The following TRERF1 variants were observed in gnomAD, a reference collection of about 807,000 sequenced individuals.
TRERF1 encodes the protein transcriptional regulating factor 1.
In TRERF1, 27 loss-of-function variants were observed where a neutral mutation model predicts 122.9. The ratio of observed to expected loss-of-function variants is 0.22; its 90% CI spans 0.16 to 0.30. The LOEUF (loss-of-function observed/expected upper bound fraction) is 0.30. TRERF1 is among the 10% of genes least tolerant of loss of function. TRERF1 has a pLI of 1.00. For missense variants in TRERF1, 1,248 were observed against 1,560.3 expected (o/e 0.80, Z 3.37); for synonymous variants, 636 against 641.7 (o/e 0.99, Z 0.13).
intron 2 of TRERF1, among the ~76,000 whole-genome samples, chr6:42,370,867 G>A (rs558754335): frequency 1.3e-5 from 2 of 152,274 alleles, no homozygotes; most frequent in East Asian, 1.9e-4. Flanking sequence ...CCCCTGAGGA[G>A]GATCCACTAT....
chr6:42,259,378 G>A lies in TRERF1; in HGVS notation c.2230C>T (p.Pro744Ser), dbSNP rs901077815. The stretch of plus-strand genomic sequence containing the variant: ...AGCACCCGTGGTGTGGGCGTCAGGG[G>A]CGTCAGGGGCAGCTGCGGGTGGGCG... The change falls in exon 9 of 18, where the codon CCC (proline) becomes TCC (serine). Residue 744 changes from proline to serine, a missense_variant. Coordinates refer to ENST00000372922, the Ensembl canonical transcript of TRERF1. This position sits in a 1 kb window ranked among gnomAD's most constrained non-coding sequence, Gnocchi z 4.9. 6.6e-7 allele frequency: 1 copy of A among 1,522,074 alleles called. No homozygotes were observed. The highest frequency in any genetic ancestry group is 8.7e-7 in the Non-Finnish European group (1 of 1,145,346). The allele number at this position is 1,522,074 out of a possible 1,614,324, so 94.3% of individuals were successfully genotyped here.
chr6:42,322,074 C>T (rs558927322), intron 3 of TRERF1, among the ~76,000 whole-genome samples: 1 of 152,222 alleles, frequency 6.6e-6, no homozygotes, highest in Admixed American at 6.5e-5. Context: ...TAGGTAAGAA[C>T]GCAAATACTG....
intron 2 of TRERF1, among the ~76,000 whole-genome samples, chr6:42,397,797 G>T (rs1778843096): frequency 6.6e-6 from 1 of 152,182 alleles, no homozygotes; most frequent in Non-Finnish European, 1.5e-5. Flanking sequence ...GAAGATATCT[G>T]CTCTTAGAGA....
rs1345087199 is a variant in TRERF1, at chr6:42,232,377, G to A, written c.3278+304C>T. 6.6e-6 allele frequency among the ~76,000 whole-genome samples: 1 copy of A among 152,178 alleles called. No individual in the cohort carries two copies. The highest frequency in any genetic ancestry group is 2.4e-5 in the African/African-American group (1 of 41,442). On this transcript the variant is annotated intron_variant, in intron 17 of 17. Transcript: ENST00000372922. The surrounding 1 kb of genome is among the most constrained non-coding windows in gnomAD (Gnocchi z 4.5). ...AGAGTAATGCTAGTGAACATAGCTT[G>A]GGTGTGAAGGGAAGGAGTGGGAACC... is the stretch of plus-strand genomic sequence containing the variant.
At chr6:42,229,830 A>G (rs1481754491) in intron 17 of TRERF1, among the ~76,000 whole-genome samples, 1 of 152,232 alleles carries the variant, frequency 6.6e-6, no homozygotes, top group Admixed American at 6.5e-5. Context: ...AGGTCTGCAA[A>G]CTATGGTCAG....
intron 9 of TRERF1, 137 bp from the exon 10 acceptor site, chr6:42,258,338 T>A: frequency 1.3e-6 from 1 of 754,720 alleles, no homozygotes. Context: ...TCCTTGACAG[T>A]TTCCAGGGAG....
At chr6:42,294,676 G>A (rs1260958219) in intron 4 of TRERF1, among the ~76,000 whole-genome samples, 1 of 152,070 alleles carries the variant, frequency 6.6e-6, no homozygotes, top group Non-Finnish European at 1.5e-5. Context: ...TTGGCCTGGG[G>A]CACCTCCTGT....
intron 3 of TRERF1, among the ~76,000 whole-genome samples, chr6:42,305,046 G>A (rs566665971): frequency 2.6e-5 from 4 of 152,286 alleles, no homozygotes; most frequent in African/African-American, 7.2e-5. Flanking sequence ...GACCAGGCAC[G>A]TTGCTAGGAC....
At chr6:42,451,792 C>T (rs540701187) in intron 1 of TRERF1, among the ~76,000 whole-genome samples, 1 of 152,116 alleles carries the variant, frequency 6.6e-6, no homozygotes, top group Non-Finnish European at 1.5e-5. Context: ...CAACTCCAAA[C>T]TCTCCGCATC....
At chr6:42,343,333 C>T (rs1273819269) in intron 3 of TRERF1, among the ~76,000 whole-genome samples, 1 of 152,198 alleles carries the variant, frequency 6.6e-6, no homozygotes, top group Non-Finnish European at 1.5e-5. Flanking sequence ...GAGGGTTAGA[C>T]TCCCAGGTCA....
chr6:42,225,077 C>G (rs1769325590), downstream of TRERF1: 1 of 151,278 alleles, frequency 6.6e-6, no homozygotes, highest in East Asian at 1.9e-4. Flanking sequence ...TTCTGAGAGG[C>G]TAATGATTAG....
At chr6:42,379,505 T>C (rs1310407000) in intron 2 of TRERF1, among the ~76,000 whole-genome samples, 2 of 152,150 alleles carry the variant, frequency 1.3e-5, no homozygotes, top group Non-Finnish European at 2.9e-5. Context: ...AGATAGATAC[T>C]GGGCACTTAC....
chr6:42,264,690 T>A lies in TRERF1; in HGVS notation c.1635+14A>T. On this transcript the variant is annotated intron_variant, in intron 7 of 17. Transcript: ENST00000372922. ...ACACGACCTAGAAAGGACCGGGAAC[T>A]GGCTCCTGCTAACCTGTTTGAGGTT... is the stretch of plus-strand genomic sequence containing the variant. 5 of 1,612,890 alleles carry A rather than the reference T, an allele frequency of 3.1e-6. No individual in the cohort carries two copies. Among genetic ancestry groups the A allele is most frequent in the Non-Finnish European group, 4.2e-6 (5 of 1,179,508 alleles).
rs148649066 is a variant in TRERF1, at chr6:42,264,717, G to C, written c.1622C>G (p.Pro541Arg). 6.2e-7 allele frequency: 1 copy of C among 1,614,062 alleles called. No homozygotes were observed. Among genetic ancestry groups the C allele is most frequent in the Non-Finnish European group, 8.5e-7 (1 of 1,179,936 alleles). The change falls in exon 7 of 18, where the codon CCC (proline) becomes CGC (arginine). Residue 541 changes from proline to arginine, a missense_variant. Coordinates refer to ENST00000372922, the Ensembl canonical transcript of TRERF1. ...GCTCCTGCTAACCTGTTTGAGGTTG[G>C]GGGAGGCCCTCATTCCCCCGTGGGA...
At position 42,259,836 on chromosome 6, in the gene TRERF1, A is replaced by AC. The variant is rs879204252; in HGVS notation, c.1885-114dup. The AC allele has an allele frequency of 7.2e-5, 100 of 1,387,404 alleles. No homozygotes were observed. The highest frequency in any genetic ancestry group is 9.1e-5 in the African/African-American group (6 of 65,874). The allele number at this position is 1,387,404 out of a possible 1,614,324, so 85.9% of individuals were successfully genotyped here. On this transcript the variant is annotated intron_variant, in intron 8 of 17. Transcript: ENST00000372922. This position sits in a 1 kb window ranked among gnomAD's most constrained non-coding sequence, Gnocchi z 4.9. Reference sequence around the variant, plus strand: ...TCTAAGCAGAGAGCCCTTCTGCTTGACCCCCCCACCCCCAACGCCCCCACA... The same window carrying AC: ...TCTAAGCAGAGAGCCCTTCTGCTTGACCCCCCCCACCCCCAACGCCCCCACA...
intron 2 of TRERF1, among the ~76,000 whole-genome samples, chr6:42,409,745 G>A (rs1322355077): frequency 6.6e-6 from 1 of 152,144 alleles, no homozygotes; most frequent in Non-Finnish European, 1.5e-5. Context: ...GTTAAACTAT[G>A]TTAAATAAGA....
intron 2 of TRERF1, among the ~76,000 whole-genome samples, chr6:42,412,437 A>ATTGTC (rs565057808): frequency 9.2e-5 from 14 of 152,292 alleles, no homozygotes; most frequent in African/African-American, 2.9e-4. Context: ...TATGGTCATA[A>ATTGTC]CTAGCCAGGC....
intron 14 of TRERF1, among the ~76,000 whole-genome samples, chr6:42,243,735 CAT>C (rs1262392766): frequency 2.6e-5 from 4 of 152,106 alleles, no homozygotes; most frequent in Admixed American, 2.6e-4. Flanking sequence ...CATCCGCCAC[CAT>C]GCCCGGCTAA....
chr6:42,243,879 CTT>C (rs34858601), intron 14 of TRERF1, among the ~76,000 whole-genome samples: 11 of 123,306 alleles, frequency 8.9e-5, no homozygotes, highest in African/African-American at 9.7e-5. Flanking sequence ...TGCGCCCAGC[CTT>C]TTTTTTTTTT....
Sources: gnomAD v4.1 joint callset for allele counts (sites outside exome capture counted in the v4.1 genomes callset) on GRCh38, gnomAD v4.1.1 for gene constraint, Gnocchi (gnomAD v3.1) non-coding constraint, MANE v1.5 for transcripts, NCBI Gene and HGNC (gene_info 2026-07-23, HGNC 2026-07-21) for gene names.